CDADC1: variants seen among roughly 807,000 people sequenced by gnomAD.
The protein encoded by CDADC1 is cytidine and dCMP deaminase domain containing 1, also known as dCTP deaminase.
Under a neutral mutation model 54.9 loss-of-function variants are expected in CDADC1, and 39 were observed. The observed-to-expected ratio is 0.71, with a 90% CI of 0.55 to 0.93. The LOEUF is 0.93. Ranked by LOEUF, CDADC1 falls within the 40% of genes least tolerant of loss-of-function variation. The pLI is 0.00. For missense variants in CDADC1, 518 were observed against 618.8 expected (o/e 0.84, Z 1.73); for synonymous variants, 186 against 204.0 (o/e 0.91, Z 0.75).
chr13:49,259,968 C>T (rs895004394), intron 4 of CDADC1, among the ~76,000 whole-genome samples: 1 of 151,922 alleles, frequency 6.6e-6, no homozygotes, highest in African/African-American at 2.4e-5. Flanking sequence ...ATGGCTTGCA[C>T]CTGTAATCCC....
intron 2 of CDADC1, among the ~76,000 whole-genome samples, chr13:49,251,622 A>G (rs542605733): frequency 6.6e-6 from 1 of 152,206 alleles, no homozygotes; most frequent in Admixed American, 6.5e-5. Context: ...TCTATTAGGA[A>G]GGAATTGATT....
chr13:49,254,637 G>A (rs1341602027), intron 2 of CDADC1, among the ~76,000 whole-genome samples: 2 of 152,042 alleles, frequency 1.3e-5, no homozygotes, highest in Admixed American at 6.6e-5. Flanking sequence ...TCTTGACCTC[G>A]TGATCTGTCC....
intron 6 of CDADC1, among the ~76,000 whole-genome samples, chr13:49,275,365 T>G (rs1030578560): frequency 2.6e-5 from 4 of 151,748 alleles, no homozygotes; most frequent in African/African-American, 9.7e-5. Flanking sequence ...GGATCACAGG[T>G]GTGAGCCACC....
At position 49,259,499 on chromosome 13, in the gene CDADC1, G is replaced by A. The variant is rs1952621281; in HGVS notation, c.406G>A (p.Ala136Thr). 2 of 1,613,848 alleles carry A rather than the reference G, an allele frequency of 1.2e-6. No homozygotes were observed. The highest frequency in any genetic ancestry group is 8.5e-7 in the Non-Finnish European group (1 of 1,179,854). Residue 136 changes from alanine to threonine, a missense_variant, in exon 4 of 10, where the codon GCT becomes ACT. Transcript: ENST00000251108. ...DLYFSRKPCS[A>T]CLKMIVNAGV... ...TTATTTTTCCAGAAAACCATGTTCT[G>A]CTTGTTTGAAAATGATTGTAAATGG...
At chr13:49,267,418 G>C (rs139001956) in intron 4 of CDADC1, 72 bp from the exon 5 acceptor site, 1 of 1,186,344 alleles carries the variant, frequency 8.4e-7, no homozygotes, top group East Asian at 2.4e-5. Context: ...TGCAATGATA[G>C]GGTGGATTTT....
In CDADC1 at chr13:49,267,993, C is replaced by T; in HGVS notation, c.934C>T (p.Gln312Ter). 4.3e-6 allele frequency: 7 copies of T among 1,613,942 alleles called. No homozygotes were observed. The highest frequency in any genetic ancestry group is 5.1e-6 in the Non-Finnish European group (6 of 1,179,998). Residue 312 changes from glutamine (Q) to a stop codon, truncating the protein, a stop_gained, in exon 5 of 10, where the codon CAA (glutamine) becomes TAA (stop). Transcript: ENST00000251108. LOFTEE classifies it high-confidence loss of function. Reference sequence around the variant, plus strand: ...AGAACAGATTAATGAAATTCACAATCAAAGTTTGCCACAGGAAATTGCAAG... The same window carrying T: ...AGAACAGATTAATGAAATTCACAATTAAAGTTTGCCACAGGAAATTGCAAG... ...NPEQINEIHN[Q>*]SLPQEIARHC...
At position 49,258,606 on chromosome 13, in the gene CDADC1, G is replaced by A. The variant is rs568567499; in HGVS notation, c.253-740G>A. 3.3e-5 allele frequency among the ~76,000 whole-genome samples: 5 copies of A among 152,304 alleles called. No homozygotes were observed. In the South Asian group the frequency reaches 1.0e-3, roughly 32 times the overall value. On this transcript the variant is annotated intron_variant, in intron 3 of 9. Transcript: ENST00000251108. ...TAACCAGTCTGCAGGGCTTAATTCA[G>A]GCTCAGCCAGTCCCTGCTCTGTGGA... is the stretch of plus-strand genomic sequence containing the variant.
Position 49,267,501 on chromosome 13 carries a change from CGA to C in CDADC1, c.443_444del (p.Arg148HisfsTer7). ...LKMIVNAGVN[R>X]ISYWPADPEI... Reference sequence around the variant, plus strand: ...ATTTTGTATTTCAGCTGGAGTTAACCGAATTTCATACTGGCCTGCTGATCCAG... The same window carrying C: ...ATTTTGTATTTCAGCTGGAGTTAACCATTTCATACTGGCCTGCTGATCCAG... On this transcript the variant is annotated frameshift_variant, in exon 5 of 10. Transcript: ENST00000251108. LOFTEE classifies it high-confidence loss of function. 6.2e-7 allele frequency: 1 copy of C among 1,609,364 alleles called. No individual in the cohort carries two copies. Among genetic ancestry groups the C allele is most frequent in the Non-Finnish European group, 8.5e-7 (1 of 1,177,436 alleles).
chr13:49,286,674 T>C (rs1355294098), intron 9 of CDADC1, among the ~76,000 whole-genome samples: 1 of 152,234 alleles, frequency 6.6e-6, no homozygotes, highest in African/African-American at 2.4e-5. Context: ...TATACATTCT[T>C]CTAGAGTAAA....
chr13:49,259,544 G>T lies in CDADC1; in HGVS notation c.430+21G>T, dbSNP rs750978789. 10 of 1,610,562 alleles carry T rather than the reference G, an allele frequency of 6.2e-6. 1 individual carries two copies. The South Asian group carries it at 1.1e-4, about 18-fold the overall frequency. Reference sequence around the variant, plus strand: ...AAATGGTAAGTGCAGAAAAGGGTTTGTTGGGGATTAAGAGTATTTATCTGG... The same window carrying T: ...AAATGGTAAGTGCAGAAAAGGGTTTTTTGGGGATTAAGAGTATTTATCTGG... On this transcript the variant is annotated intron_variant, in intron 4 of 9. Transcript: ENST00000251108.
intron 2 of CDADC1, among the ~76,000 whole-genome samples, chr13:49,254,093 T>G (rs760742120): frequency 8.5e-5 from 13 of 152,176 alleles, no homozygotes; most frequent in Admixed American, 1.3e-4. Flanking sequence ...ATGAGATAAT[T>G]TAGGGCCTGG....
At chr13:49,287,077 G>C (rs901102940) in intron 9 of CDADC1, among the ~76,000 whole-genome samples, 1 of 152,210 alleles carries the variant, frequency 6.6e-6, no homozygotes, top group African/African-American at 2.4e-5. Context: ...TGTAATCCCA[G>C]CTACTTGGGA....
intron 6 of CDADC1, 25 bp downstream of exon 6, chr13:49,274,365 A>G (rs372282007): frequency 1.3e-6 from 2 of 1,585,386 alleles, no homozygotes; most frequent in African/African-American, 1.3e-5. Context: ...AATTCTTTAA[A>G]TATTTAACCT....
Position 49,280,490 on chromosome 13 carries a change from T to C in CDADC1, c.1221-19T>C. On this transcript the variant is annotated intron_variant, in intron 7 of 9. Coordinates refer to ENST00000251108, the MANE Select transcript of CDADC1 (RefSeq NM_030911.4). The stretch of plus-strand genomic sequence containing the variant: ...CTTTCAGAAACGACCTTTCTGATAT[T>C]TTATAATTTTTTTTGTAGGTGTCAA... 1.5e-6 allele frequency: 2 copies of C among 1,322,348 alleles called. No individual in the cohort carries two copies. The highest frequency in any genetic ancestry group is 4.0e-4 in the Middle Eastern group (2 of 5,046). 81.9% of individuals were successfully genotyped at this position (1,322,348 alleles called of 1,614,324 possible).
chr13:49,273,007 AG>A (rs970700090), intron 5 of CDADC1, among the ~76,000 whole-genome samples: 14 of 152,330 alleles, frequency 9.2e-5, no homozygotes, highest in African/African-American at 3.4e-4. Flanking sequence ...CTTTACCTTT[AG>A]GGTAAAAATG....
chr13:49,249,986 GTT>G (rs1952387708), intron 2 of CDADC1, among the ~76,000 whole-genome samples: 1 of 152,108 alleles, frequency 6.6e-6, no homozygotes, highest in Admixed American at 6.5e-5. Flanking sequence ...ATTAGGTTAA[GTT>G]GAGCATTTAA....
At position 49,291,772 on chromosome 13, in the gene CDADC1, A is replaced by G. The variant is rs755981874; in HGVS notation, c.*15A>G. The G allele has an allele frequency of 1.4e-5, 22 of 1,608,414 alleles. No individual in the cohort carries two copies. The highest frequency in any genetic ancestry group is 1.7e-5 in the Non-Finnish European group (20 of 1,178,474). On this transcript the variant is annotated 3_prime_UTR_variant, in exon 10 of 10. Transcript: ENST00000251108. ...GAATCCACTAAGAAGGCCTGTCTAC[A>G]CTGCAGGGGAACCTCAAGAACTTTT...
intron 8 of CDADC1, among the ~76,000 whole-genome samples, chr13:49,283,352 G>A (rs1953406981): frequency 6.6e-6 from 1 of 152,050 alleles, no homozygotes; most frequent in South Asian, 2.1e-4. Context: ...TGTTGACATG[G>A]CACTGAAAGA....
At chr13:49,282,236 G>GTTTTTTTTTTTTTTTTTTTTTTTT (rs759792512) in intron 8 of CDADC1, among the ~76,000 whole-genome samples, 31 of 94,138 alleles carry the variant, frequency 3.3e-4, no homozygotes, top group African/African-American at 6.6e-4. Flanking sequence ...GTTTTTGTGG[G>GTTTTTTTTTTTTTTTTTTTTTTTT]TTTTTTTTTT....
Sources: allele counts gnomAD v4.1 joint callset (sites outside exome capture counted in the v4.1 genomes callset), GRCh38; gene constraint gnomAD v4.1.1; transcripts MANE v1.5; gene names NCBI Gene and HGNC (gene_info 2026-07-23, HGNC 2026-07-21).